The following OIP5 variants were observed in gnomAD, a reference collection of about 807,000 sequenced individuals.
OIP5 encodes the protein Opa interacting protein 5.
Under a neutral mutation model 20.3 loss-of-function variants are expected in OIP5, and 24 were observed. That is an observed-to-expected ratio of 1.18 (90% CI 0.86 to 1.66). The LOEUF (loss-of-function observed/expected upper bound fraction) is 1.66, where lower values mean the gene tolerates loss of function less well. Among genes scored for constraint, OIP5 ranks in the 40% most tolerant of loss-of-function variants. The probability of loss-of-function intolerance (pLI) is 0.00; values close to 1 mark genes in which losing one functional copy is unlikely to be tolerated. For synonymous variants in OIP5, 143 were observed against 121.3 expected (o/e 1.18, Z -1.17); for missense variants, 339 against 289.5 (o/e 1.17, Z -1.24).
In OIP5 at chr15:41,309,376, C is replaced by A. The variant is rs959720337; in HGVS notation, c.*378G>T. On this transcript the variant is annotated 3_prime_UTR_variant, in exon 5 of 5. Coordinates refer to ENST00000220514, the MANE Select transcript of OIP5 (RefSeq NM_007280.2). The stretch of plus-strand genomic sequence containing the variant: ...TAGTATTCATAACAACTGCTCCATG[C>A]AGGAGTAATAGAAGTCAACATTAAG... The A allele has an allele frequency of 4.8e-5, 8 of 165,574 alleles. No individual in the cohort carries two copies. In the South Asian group the frequency reaches 1.3e-3, roughly 27 times the overall value. 10.3% of individuals were successfully genotyped at this position (165,574 alleles called of 1,614,324 possible).
At position 41,309,740 on chromosome 15, in the gene OIP5, G is replaced by C; in HGVS notation, c.*14C>G. 1.3e-6 allele frequency: 2 copies of C among 1,574,070 alleles called. No individual in the cohort carries two copies. The highest frequency in any genetic ancestry group is 1.7e-6 in the Non-Finnish European group (2 of 1,145,904). On this transcript the variant is annotated 3_prime_UTR_variant, in exon 5 of 5. Transcript: ENST00000220514. ...AATAAAGCCTGAACCTGACACTCAA[G>C]CTTTGGTACAGGATCAGTTTTCTGG... is the stretch of plus-strand genomic sequence containing the variant.
chr15:41,328,942 T>C (rs1168938031), intron 2 of OIP5, among the ~76,000 whole-genome samples: 1 of 151,142 alleles, frequency 6.6e-6, no homozygotes, highest in Non-Finnish European at 1.5e-5. Context: ...GGCGTGCGCC[T>C]GGAATCCCAG....
intron 3 of OIP5, among the ~76,000 whole-genome samples, chr15:41,314,524 G>T (rs950621210): frequency 6.6e-6 from 1 of 152,120 alleles, no homozygotes; most frequent in Non-Finnish European, 1.5e-5. Context: ...AAAATGGGAT[G>T]GGTGTGCTGG....
chr15:41,319,598 C>T, intron 3 of OIP5, 60 bp downstream of exon 3: 1 of 1,529,594 alleles, frequency 6.5e-7, no homozygotes, highest in Admixed American at 2.0e-5. Flanking sequence ...ATTTGATGGA[C>T]TTTGTCTCAA....
intron 2 of OIP5, among the ~76,000 whole-genome samples, chr15:41,323,174 A>G (rs924581290): frequency 1.3e-5 from 2 of 152,124 alleles, no homozygotes; most frequent in Non-Finnish European, 2.9e-5. Flanking sequence ...CAGTACTTAT[A>G]AACAAATGTC....
chr15:41,321,316 C>T (rs866600494), intron 2 of OIP5, among the ~76,000 whole-genome samples: 9 of 150,500 alleles, frequency 6.0e-5, no homozygotes, highest in Non-Finnish European at 1.0e-4. Context: ...GTCAGCCCCC[C>T]GCCCGGCCAG....
At chr15:41,319,825 T>C (rs2047812031) in intron 2 of OIP5, 45 bp from the exon 3 acceptor site, 5 of 1,516,518 alleles carry the variant, frequency 3.3e-6, no homozygotes, top group African/African-American at 2.8e-5. Flanking sequence ...TAAAAAATCA[T>C]ATAAGAAATA....
At chr15:41,313,923 G>T (rs984458865) in intron 3 of OIP5, among the ~76,000 whole-genome samples, 2 of 152,042 alleles carry the variant, frequency 1.3e-5, no homozygotes, top group African/African-American at 4.8e-5. Flanking sequence ...GAGGATCTCT[G>T]CCGCATCCCA....
rs1197085138 is a variant in OIP5, at chr15:41,311,924, G to A, written c.594+1349C>T. Among the ~76,000 whole-genome samples, 7 of 121,458 alleles carry A rather than the reference G, an allele frequency of 5.8e-5. 1 individual carries two copies. Among genetic ancestry groups the A allele is most frequent in the African/African-American group, 1.0e-4 (4 of 38,702 alleles). The allele number at this position is 121,458 out of a possible 152,430, so 79.7% of individuals were successfully genotyped here. On this transcript the variant is annotated intron_variant, in intron 4 of 4. Transcript: ENST00000220514. The stretch of plus-strand genomic sequence containing the variant: ...GTTTCGCTCTCAATGGCAAGCTCTC[G>A]GCTCACTGCAACCTCTGCCTCCCAG...
chr15:41,312,452 C>T (rs568544931), intron 4 of OIP5, among the ~76,000 whole-genome samples: 25 of 152,192 alleles, frequency 1.6e-4, no homozygotes, highest in Admixed American at 1.4e-3. Flanking sequence ...TGAGCCACCA[C>T]GCCCAGGCAA....
At chr15:41,323,140 GAATT>G (rs1352009333) in intron 2 of OIP5, among the ~76,000 whole-genome samples, 5 of 151,964 alleles carry the variant, frequency 3.3e-5, no homozygotes, top group African/African-American at 9.7e-5. Context: ...TTCCACGTAG[GAATT>G]AATTAATTCA....
chr15:41,328,847 C>T (rs2047878596), intron 2 of OIP5, among the ~76,000 whole-genome samples: 1 of 151,938 alleles, frequency 6.6e-6, no homozygotes. Flanking sequence ...ATCACAAGGT[C>T]AGAAGTTCGA....
At chr15:41,315,955 GTC>G (rs2047786470) in intron 3 of OIP5, among the ~76,000 whole-genome samples, 1 of 151,992 alleles carries the variant, frequency 6.6e-6, no homozygotes, top group Admixed American at 6.6e-5. Flanking sequence ...GTAAAACCCC[GTC>G]TCTACTAAAA....
chr15:41,332,408 G>T lies in OIP5; in HGVS notation c.154C>A (p.Pro52Thr), dbSNP rs1190011077. The T allele has an allele frequency of 6.2e-7, 1 of 1,613,918 alleles. No individual in the cohort carries two copies. Among genetic ancestry groups the T allele is most frequent in the South Asian group, 1.1e-5 (1 of 91,074 alleles). ...GGCTCCTCAGCCCCCAGCCCTGCGG[G>T]GCCGAGCGGCGAGGACCCCTTCACC... ...QVVKGSSPLG[P>T]AGLGAEEPAA... Residue 52 changes from proline (P) to threonine (T), a missense_variant, in exon 1 of 5, where the codon CCC becomes ACC. Transcript: ENST00000220514.
chr15:41,319,791 G>A lies in OIP5; in HGVS notation c.390-11C>T. Reference sequence around the variant, plus strand: ...AAAAGGTTGTAAGTACTAGGGGTGGGGAAAAACACAATATGGGTAAGAATA... The same window carrying A: ...AAAAGGTTGTAAGTACTAGGGGTGGAGAAAAACACAATATGGGTAAGAATA... On this transcript the variant is annotated splice_polypyrimidine_tract_variant and intron_variant, in intron 2 of 4. Coordinates refer to ENST00000220514, the MANE Select transcript of OIP5 (RefSeq NM_007280.2). 16 of 1,592,542 alleles carry A rather than the reference G, an allele frequency of 1.0e-5. No homozygotes were observed. The highest frequency in any genetic ancestry group is 1.3e-5 in the Non-Finnish European group (15 of 1,171,628).
At chr15:41,319,104 TC>T (rs2047806132) in intron 3 of OIP5, among the ~76,000 whole-genome samples, 1 of 151,808 alleles carries the variant, frequency 6.6e-6, no homozygotes, top group Non-Finnish European at 1.5e-5. Flanking sequence ...AGAGTCTTGT[TC>T]TGTCACCCAG....
chr15:41,329,881 A>G (rs1175863626), intron 2 of OIP5, among the ~76,000 whole-genome samples: 3 of 149,832 alleles, frequency 2.0e-5, no homozygotes, highest in Non-Finnish European at 3.0e-5. Context: ...TTGTATTTCT[A>G]GTAGAAACAG....
chr15:41,332,576 C>A lies in OIP5; in HGVS notation c.-15G>T. The stretch of plus-strand genomic sequence containing the variant: ...TGAGCCGCCATCTTCCCGCAGCCGG[C>A]GCCTTCCTTTCGAATACACGCCAGG... On this transcript the variant is annotated 5_prime_UTR_variant, in exon 1 of 5. Transcript: ENST00000220514. 2 of 1,587,760 alleles carry A rather than the reference C, an allele frequency of 1.3e-6. No individual in the cohort carries two copies. Among genetic ancestry groups the A allele is most frequent in the South Asian group, 2.3e-5 (2 of 86,580 alleles).
chr15:41,330,833 A>T lies in OIP5; in HGVS notation c.389+1082T>A, dbSNP rs550249670. 4.9e-4 allele frequency among the ~76,000 whole-genome samples: 74 copies of T among 152,348 alleles called. 2 individuals carry two copies. The South Asian group carries it at 0.014, about 29-fold the overall frequency. ...ATAGCTACATATGACTAGTGATTAC[A>T]GTATAGGACAGCACGGGTCTAGATT... On this transcript the variant is annotated intron_variant, in intron 2 of 4. Coordinates refer to ENST00000220514, the MANE Select transcript of OIP5 (RefSeq NM_007280.2).
Sources: gnomAD v4.1 joint callset for allele counts (sites outside exome capture counted in the v4.1 genomes callset) on GRCh38, gnomAD v4.1.1 for gene constraint, MANE v1.5 for transcripts, NCBI Gene and HGNC (gene_info 2026-07-23, HGNC 2026-07-21) for gene names.